Variants in COL13A1 observed in about 807,000 individuals in gnomAD.
COL13A1 encodes the protein collagen type XIII alpha 1 chain, also known as collagen alpha-1(XIII) chain.
Under a neutral mutation model 130.9 loss-of-function variants are expected in COL13A1, and 89 were observed. The ratio of observed to expected loss-of-function variants is 0.68; its 90% CI spans 0.57 to 0.81. The LOEUF is 0.81. Among genes scored for constraint, COL13A1 ranks in the 30% least tolerant of loss-of-function variants. The pLI is 0.00. For missense variants in COL13A1, 879 were observed against 934.6 expected, an observed-to-expected ratio of 0.94 and a Z score of 0.78; for synonymous variants, 402 against 341.6, an observed-to-expected ratio of 1.18 and a Z score of -1.95.
intron 38 of COL13A1, among the ~76,000 whole-genome samples, chr10:69,950,369 T>C (rs923563123): frequency 2.6e-5 from 4 of 152,164 alleles, no homozygotes; most frequent in Non-Finnish European, 5.9e-5. Flanking sequence ...GACACCGGAT[T>C]TGGGGCAATT....
chr10:69,823,757 G>A (rs1360339857), intron 2 of COL13A1, among the ~76,000 whole-genome samples: 1 of 152,150 alleles, frequency 6.6e-6, no homozygotes, highest in African/African-American at 2.4e-5. Flanking sequence ...GGGTCGTCCG[G>A]GTTAATTAAA....
intron 2 of COL13A1, among the ~76,000 whole-genome samples, chr10:69,838,784 C>A (rs908027501): frequency 6.6e-6 from 1 of 152,232 alleles, no homozygotes. Flanking sequence ...GGGTTCAGAT[C>A]CACCTTGGGA....
intron 7 of COL13A1, among the ~76,000 whole-genome samples, chr10:69,887,124 C>G (rs1257890527): frequency 6.6e-6 from 1 of 152,222 alleles, no homozygotes; most frequent in Non-Finnish European, 1.5e-5. Context: ...CGGGCTGAGT[C>G]TCCGCTGGCC....
intron 10 of COL13A1, among the ~76,000 whole-genome samples, chr10:69,894,199 G>A (rs758048252): frequency 1.3e-5 from 2 of 152,236 alleles, no homozygotes; most frequent in African/African-American, 4.8e-5. Context: ...GGTGGAATGT[G>A]CTAGTGTCTC....
intron 10 of COL13A1, among the ~76,000 whole-genome samples, chr10:69,892,381 C>A (rs75634795): frequency 0.016 from 2,439 of 152,306 alleles, 24 homozygotes; most frequent in Non-Finnish European, 0.024. Context: ...CCCACCCCCC[C>A]ACTTCACATT....
chr10:69,871,102 G>T (rs2059023932), intron 3 of COL13A1, among the ~76,000 whole-genome samples: 1 of 152,068 alleles, frequency 6.6e-6, no homozygotes, highest in African/African-American at 2.4e-5. Flanking sequence ...CCCTGGGATG[G>T]GAGGTCACTA....
intron 1 of COL13A1, among the ~76,000 whole-genome samples, chr10:69,814,951 TG>T (rs1270688126): frequency 3.9e-5 from 6 of 152,256 alleles, no homozygotes; most frequent in South Asian, 2.1e-4. Context: ...TGTGCATAGC[TG>T]TTATAATTAA....
intron 13 of COL13A1, among the ~76,000 whole-genome samples, chr10:69,896,061 T>C (rs1397034967): frequency 1.3e-5 from 2 of 152,152 alleles, no homozygotes; most frequent in Non-Finnish European, 2.9e-5. Flanking sequence ...TATCAGATGA[T>C]GGTGTTTCAC....
intron 13 of COL13A1, among the ~76,000 whole-genome samples, chr10:69,897,784 C>A (rs1303541971): frequency 1.3e-5 from 2 of 152,158 alleles, no homozygotes; most frequent in African/African-American, 4.8e-5. Context: ...GTGATTTAAG[C>A]GCTTTCAAAA....
At chr10:69,892,188 TG>T (rs749764082) in intron 10 of COL13A1, among the ~76,000 whole-genome samples, 1 of 152,168 alleles carries the variant, frequency 6.6e-6, no homozygotes, top group Non-Finnish European at 1.5e-5. Flanking sequence ...CTGTTTGGCT[TG>T]GCATGGGTAC....
At chr10:69,942,370 C>G (rs1351000891) in intron 35 of COL13A1, among the ~76,000 whole-genome samples, 2 of 152,194 alleles carry the variant, frequency 1.3e-5, no homozygotes. Flanking sequence ...CAGTCCCTCC[C>G]TCTCCATCCT....
chr10:69,826,575 C>T (rs193205261), intron 2 of COL13A1, among the ~76,000 whole-genome samples: 1 of 152,114 alleles, frequency 6.6e-6, no homozygotes, highest in Non-Finnish European at 1.5e-5. Flanking sequence ...CATGAAGTGC[C>T]CAGGAGCCAA....
chr10:69,925,434 T>C (rs867721413), intron 25 of COL13A1, among the ~76,000 whole-genome samples: 1 of 152,252 alleles, frequency 6.6e-6, no homozygotes, highest in Non-Finnish European at 1.5e-5. Flanking sequence ...GAACTTTTTT[T>C]CTTTTGGCAG....
intron 38 of COL13A1, among the ~76,000 whole-genome samples, chr10:69,948,815 C>A (rs773310426): frequency 2.7e-5 from 4 of 150,566 alleles, no homozygotes; most frequent in Non-Finnish European, 2.9e-5. Flanking sequence ...GTACCCTTGT[C>A]ACAGACAGAG....
rs138881325 is a variant in COL13A1, at chr10:69,874,666, C to T, written c.400-462C>T. Among the ~76,000 whole-genome samples the T allele has an allele frequency of 4.8e-3, 734 of 152,290 alleles. 12 individuals carry two copies. Among genetic ancestry groups the T allele is most frequent in the African/African-American group, 0.017 (688 of 41,540 alleles). On this transcript the variant is annotated intron_variant, in intron 4 of 40. Coordinates refer to ENST00000645393, the MANE Select transcript of COL13A1 (RefSeq NM_001368882.1). ...AGGGGCTGGGGAGGAGCACTGCTCT[C>T]CAGCTCTGGCAGAGACAGACCGAGG...
intron 2 of COL13A1, among the ~76,000 whole-genome samples, chr10:69,850,874 G>T (rs1229423390): frequency 1.3e-5 from 2 of 152,258 alleles, no homozygotes; most frequent in African/African-American, 4.8e-5. Context: ...CATGAAGGGG[G>T]TTCTTGGACA....
chr10:69,823,383 T>C (rs1046348900), intron 2 of COL13A1, among the ~76,000 whole-genome samples: 1 of 152,190 alleles, frequency 6.6e-6, no homozygotes, highest in Non-Finnish European at 1.5e-5. Flanking sequence ...AAGGAAGGCC[T>C]AAAGAAGAGT....
rs544921867 is a variant in COL13A1 at position 69,914,266 on chromosome 10, G to T, written c.922-3023G>T. ...TCCTAGAGCTGCATTTTTAACCAAA[G>T]CTAAGAGTCCCTCCCCACCCCACAG... On this transcript the variant is annotated intron_variant, in intron 17 of 40. Coordinates refer to ENST00000645393, the MANE Select transcript of COL13A1 (RefSeq NM_001368882.1). Among the ~76,000 whole-genome samples, 279 of 152,168 alleles carry T rather than the reference G, an allele frequency of 1.8e-3. 3 individuals carry two copies. The highest frequency in any genetic ancestry group is 5.9e-3 in the Admixed American group (90 of 15,290).
Position 69,902,656 on chromosome 10 carries a change from A to G in COL13A1, c.751-92A>G, listed in dbSNP as rs914445312. On this transcript the variant is annotated intron_variant, in intron 14 of 40. Coordinates refer to ENST00000645393, the MANE Select transcript of COL13A1 (RefSeq NM_001368882.1). Reference sequence around the variant, plus strand: ...ACCACTCCTTCCCGGCAGAAATCACAGCAGGCCTTCACTGGGTGCATGGCC... The same window carrying G: ...ACCACTCCTTCCCGGCAGAAATCACGGCAGGCCTTCACTGGGTGCATGGCC... 14 of 1,008,534 alleles carry G rather than the reference A, an allele frequency of 1.4e-5. No individual in the cohort carries two copies. The East Asian group carries it at 2.7e-4, about 19-fold the overall frequency. 62.5% of individuals were successfully genotyped at this position (1,008,534 alleles called of 1,614,324 possible). A position where few individuals can be genotyped will look rare whatever the true frequency, so the allele number is the denominator to read the frequency against.
Sources: gnomAD v4.1 joint callset for allele counts (sites outside exome capture counted in the v4.1 genomes callset) on GRCh38, gnomAD v4.1.1 for gene constraint, MANE v1.5 for transcripts, NCBI Gene and HGNC (gene_info 2026-07-23, HGNC 2026-07-21) for gene names.